Variants in CLTC observed in about 807,000 individuals in gnomAD.
The protein encoded by CLTC is clathrin heavy chain 1.
CLTC carries 16 observed loss-of-function variants against 195.8 expected under a neutral mutation model. The ratio of observed to expected loss-of-function variants is 0.08; its 90% CI spans 0.06 to 0.12. The LOEUF (loss-of-function observed/expected upper bound fraction) is 0.12, where lower values mean the gene tolerates loss of function less well. CLTC is among the 10% of genes least tolerant of loss of function. The pLI is 1.00. For missense variants in CLTC, 796 were observed against 2,027.0 expected, an observed-to-expected ratio of 0.39 and a Z score of 11.66; for synonymous variants, 667 against 689.4, an observed-to-expected ratio of 0.97 and a Z score of 0.51.
At chr17:59,684,947 TCTA>T (rs1354313466) in intron 28 of CLTC, 106 bp from the exon 29 acceptor site, 2 of 775,024 alleles carry the variant, frequency 2.6e-6, no homozygotes, top group African/African-American at 1.8e-5. Flanking sequence ...GATGCTTGAA[TCTA>T]GGTGTCATAT....
chr17:59,655,355 A>G (rs556411820), intron 5 of CLTC, among the ~76,000 whole-genome samples: 2 of 152,332 alleles, frequency 1.3e-5, no homozygotes, highest in East Asian at 1.9e-4. Flanking sequence ...TGTGGGTGCA[A>G]TTCATCACAC....
intron 5 of CLTC, among the ~76,000 whole-genome samples, chr17:59,651,779 CAG>C (rs1417147178): frequency 2.0e-5 from 3 of 152,188 alleles, no homozygotes; most frequent in Non-Finnish European, 4.4e-5. Flanking sequence ...GCTGAATAAT[CAG>C]AGTGGTGGTT....
At chr17:59,655,404 A>G (rs2032440509) in intron 5 of CLTC, among the ~76,000 whole-genome samples, 1 of 152,236 alleles carries the variant, frequency 6.6e-6, no homozygotes, top group Admixed American at 6.5e-5. Context: ...CTGGCCACAG[A>G]TCAACATGAC....
At chr17:59,628,524 C>A (rs1461961070) in intron 1 of CLTC, among the ~76,000 whole-genome samples, 1 of 152,202 alleles carries the variant, frequency 6.6e-6, no homozygotes, top group African/African-American at 2.4e-5. Flanking sequence ...AAGCCAAGAT[C>A]TTGAAGTTAC....
chr17:59,669,437 A>C (rs1362964248), intron 14 of CLTC, among the ~76,000 whole-genome samples: 1 of 152,202 alleles, frequency 6.6e-6, no homozygotes, highest in African/African-American at 2.4e-5. Flanking sequence ...GGTAAGATCA[A>C]ACAAAACGCT....
intron 30 of CLTC, chr17:59,687,104 A>C (rs2033200893): frequency 2.6e-5 from 18 of 679,254 alleles, no homozygotes; most frequent in Non-Finnish European, 3.3e-5. Flanking sequence ...CCTCTTCTAC[A>C]CTGCTGCTGC....
chr17:59,651,131 G>C (rs762185873), intron 4 of CLTC, 72 bp from the exon 5 acceptor site: 52 of 907,488 alleles, frequency 5.7e-5, no homozygotes, highest in Non-Finnish European at 8.4e-5. Context: ...CCATTTGGGG[G>C]CTACAAATAA....
rs546075643 is a variant in CLTC, at chr17:59,683,299, A to C, written c.4041+37A>C. On this transcript the variant is annotated intron_variant, in intron 25 of 31. Transcript: ENST00000269122. The surrounding 1 kb of genome is among the most constrained non-coding windows in gnomAD (Gnocchi z 6.1). Reference sequence around the variant, plus strand: ...TTGTAACACAGTGAAGCAACTGTGTAGTTAAAACTAATGCTTCAAAATATC... The same window carrying C: ...TTGTAACACAGTGAAGCAACTGTGTCGTTAAAACTAATGCTTCAAAATATC... 65 of 1,606,522 alleles carry C rather than the reference A, an allele frequency of 4.0e-5. 1 individual carries two copies. The East Asian group carries it at 1.2e-3, about 30-fold the overall frequency.
chr17:59,656,090 G>T (rs1357169140), intron 6 of CLTC, 63 bp downstream of exon 6: 16 of 1,381,218 alleles, frequency 1.2e-5, no homozygotes, highest in Non-Finnish European at 1.6e-5. Flanking sequence ...GAACAATCCT[G>T]TCCTTTTGAG....
intron 16 of CLTC, among the ~76,000 whole-genome samples, chr17:59,675,705 T>A (rs1373117229): frequency 6.6e-6 from 1 of 152,214 alleles, no homozygotes; most frequent in African/African-American, 2.4e-5. Flanking sequence ...CAGTTGAGTC[T>A]GAACCTATTG....
chr17:59,650,404 G>C (rs2032299370), intron 4 of CLTC, among the ~76,000 whole-genome samples: 1 of 150,882 alleles, frequency 6.6e-6, no homozygotes, highest in Admixed American at 6.6e-5. Flanking sequence ...AAGTACCATT[G>C]TAGGTAATGT....
intron 5 of CLTC, 74 bp from the exon 6 acceptor site, chr17:59,655,780 G>T (rs1045659124): frequency 8.1e-7 from 1 of 1,233,740 alleles, no homozygotes; most frequent in Admixed American, 2.8e-5. Flanking sequence ...CTCTAAAATG[G>T]AATTAGACTG....
Position 59,648,215 on chromosome 17 carries a change from C to T in CLTC, c.520-25C>T, listed in dbSNP as rs899915631. ...AGTTTTTGATTTATGGGTCTTCAAA[C>T]GTTATTCTCTTTGATCCTTTATAGC... On this transcript the variant is annotated intron_variant, in intron 3 of 31. Coordinates refer to ENST00000269122, the MANE Select transcript of CLTC (RefSeq NM_004859.4). The surrounding 1 kb of genome is among the most constrained non-coding windows in gnomAD (Gnocchi z 4.5). The T allele has an allele frequency of 5.1e-6, 8 of 1,583,784 alleles. No individual in the cohort carries two copies. Among genetic ancestry groups the T allele is most frequent in the Middle Eastern group, 1.7e-4 (1 of 5,924 alleles).
chr17:59,638,586 A>G (rs1360705898), intron 1 of CLTC, among the ~76,000 whole-genome samples: 2 of 152,208 alleles, frequency 1.3e-5, no homozygotes, highest in Admixed American at 1.3e-4. Flanking sequence ...ATGGTCTCAG[A>G]TGAAATTGTT....
intron 1 of CLTC, among the ~76,000 whole-genome samples, chr17:59,641,087 C>T (rs1383423832): frequency 6.7e-6 from 1 of 149,598 alleles, no homozygotes; most frequent in African/African-American, 2.4e-5. Flanking sequence ...CCACTGCATT[C>T]CAGCCTGGTG....
In CLTC at chr17:59,666,291, T is replaced by C. The variant is rs745760882; in HGVS notation, c.1782+51T>C. The stretch of plus-strand genomic sequence containing the variant: ...ATGTTTCCAACATTGTTTTAGTAAT[T>C]GTGCAGCGCCTCTCAGATTGTTATG... On this transcript the variant is annotated intron_variant, in intron 11 of 31. Coordinates refer to ENST00000269122, the MANE Select transcript of CLTC (RefSeq NM_004859.4). This position sits in a 1 kb window ranked among gnomAD's most constrained non-coding sequence, Gnocchi z 4.9. 7.5e-6 allele frequency: 12 copies of C among 1,596,402 alleles called. 1 individual carries two copies. The highest frequency in any genetic ancestry group is 2.2e-5 in the East Asian group (1 of 44,534).
rs1268284604 is a variant in CLTC, at chr17:59,666,527, G to T, written c.1830G>T (p.Arg610=). Residue 610 remains arginine (R), a synonymous_variant, in exon 12 of 32, where the codon CGG becomes CGT. Transcript: ENST00000269122. This position sits in a 1 kb window ranked among gnomAD's most constrained non-coding sequence, Gnocchi z 4.9. Reference sequence around the variant, plus strand: ...ATCAGATGTTCACACATTATGACCGGGCTCATATTGCTCAACTGTGTGAAA... The same window carrying T: ...ATCAGATGTTCACACATTATGACCGTGCTCATATTGCTCAACTGTGTGAAA... ...LGNQMFTHYD[R]AHIAQLCEKA... is the part of the protein sequence containing the mutation. The T allele has an allele frequency of 1.2e-6, 2 of 1,614,006 alleles. No homozygotes were observed. Among genetic ancestry groups the T allele is most frequent in the South Asian group, 1.1e-5 (1 of 91,072 alleles).
At chr17:59,656,666 A>ATTTTTTTTTTTTT (rs55669818) in intron 6 of CLTC, among the ~76,000 whole-genome samples, 35 of 96,216 alleles carry the variant, frequency 3.6e-4, no homozygotes, top group Non-Finnish European at 4.7e-4. Flanking sequence ...TATTATTTTA[A>ATTTTTTTTTTTTT]TTTTTTTTTT....
At chr17:59,646,419 C>T (rs775202539) in intron 2 of CLTC, among the ~76,000 whole-genome samples, 35 of 152,206 alleles carry the variant, frequency 2.3e-4, no homozygotes, top group African/African-American at 6.0e-4. Context: ...ACATGTGTTA[C>T]GGAGGGTTGT....
Sources: gnomAD v4.1 joint callset for allele counts (sites outside exome capture counted in the v4.1 genomes callset) on GRCh38, gnomAD v4.1.1 for gene constraint, Gnocchi (gnomAD v3.1) non-coding constraint, MANE v1.5 for transcripts, NCBI Gene and HGNC (gene_info 2026-07-23, HGNC 2026-07-21) for gene names.